Variants in CERT1 observed in about 807,000 individuals in gnomAD.
The protein encoded by CERT1 is ceramide transfer protein.
Under a neutral mutation model 87.9 loss-of-function variants are expected in CERT1, and 31 were observed. The observed-to-expected ratio is 0.35, with a 90% CI of 0.27 to 0.48. CERT1 has a LOEUF of 0.48. CERT1 is among the 20% of genes least tolerant of loss of function. The pLI is 0.99. For synonymous variants in CERT1, 289 were observed against 250.9 expected, an observed-to-expected ratio of 1.15 and a Z score of -1.44; for missense variants, 487 against 758.0, an observed-to-expected ratio of 0.64 and a Z score of 4.20.
intron 14 of CERT1, 78 bp downstream of exon 14, chr5:75,384,564 A>G: frequency 1.0e-6 from 1 of 983,016 alleles, no homozygotes; most frequent in Non-Finnish European, 1.6e-6. Flanking sequence ...TAACCTCCCC[A>G]ATTTTACTTT....
intron 3 of CERT1, among the ~76,000 whole-genome samples, chr5:75,432,774 G>A (rs1368245819): frequency 6.6e-6 from 1 of 152,158 alleles, no homozygotes; most frequent in Non-Finnish European, 1.5e-5. Flanking sequence ...TCTTCACCAA[G>A]GCCTATGCCT....
chr5:75,511,947 T>C, upstream of CERT1: 1 of 873,766 alleles, frequency 1.1e-6, no homozygotes. Context: ...GCTTGTCCCC[T>C]TGGGGCCTTG....
chr5:75,499,785 G>A (rs1208534656), intron 2 of CERT1, among the ~76,000 whole-genome samples: 2 of 152,130 alleles, frequency 1.3e-5, no homozygotes, highest in Non-Finnish European at 2.9e-5. Flanking sequence ...ATTTTCTTAA[G>A]CCCAGTGACG....
intron 2 of CERT1, among the ~76,000 whole-genome samples, chr5:75,494,620 C>T (rs1186935622): frequency 2.0e-5 from 3 of 152,146 alleles, no homozygotes; most frequent in African/African-American, 4.8e-5. Context: ...ACACTCTCCA[C>T]CCCCAACTCT....
In CERT1 at chr5:75,405,199, G is replaced by GC. The variant is rs913759378; in HGVS notation, c.931-2142dup. Among the ~76,000 whole-genome samples, 7 of 151,988 alleles carry GC rather than the reference G, an allele frequency of 4.6e-5. No homozygotes were observed. In the East Asian group the frequency reaches 5.8e-4, roughly 13 times the overall value. ...TACTAAGGGCAGGAGCTACTTATCT[G>GC]CCCCCTTAGAATAGCATTTCTTATG... On this transcript the variant is annotated intron_variant, in intron 8 of 16. Transcript: ENST00000643780.
intron 5 of CERT1, among the ~76,000 whole-genome samples, chr5:75,422,757 T>C (rs1288483054): frequency 4.6e-5 from 7 of 152,188 alleles, no homozygotes; most frequent in Non-Finnish European, 5.9e-5. Context: ...AATATGGCTG[T>C]TATTTGGAGA....
At chr5:75,493,924 C>T (rs1220736496) in intron 2 of CERT1, among the ~76,000 whole-genome samples, 4 of 152,136 alleles carry the variant, frequency 2.6e-5, no homozygotes, top group African/African-American at 9.7e-5. Context: ...TTTCTTTCCT[C>T]ACTGCTACCA....
chr5:75,474,128 A>T (rs867608479), intron 2 of CERT1, among the ~76,000 whole-genome samples: 26 of 152,194 alleles, frequency 1.7e-4, no homozygotes, highest in African/African-American at 6.0e-4. Context: ...TAGATTCCAG[A>T]CATTGTATAG....
At chr5:75,414,850 T>G (rs1481849240) in intron 7 of CERT1, among the ~76,000 whole-genome samples, 1 of 152,154 alleles carries the variant, frequency 6.6e-6, no homozygotes, top group East Asian at 1.9e-4. Flanking sequence ...TGCTCATCAC[T>G]GTTTTCCCAT....
rs200792024 is a variant in CERT1, at chr5:75,490,503, A to T, written c.231+15479T>A. 2.2e-3 allele frequency among the ~76,000 whole-genome samples: 282 copies of T among 127,468 alleles called. 1 individual carries two copies. In the East Asian group the frequency reaches 0.031, roughly 14 times the overall value. The allele number at this position is 127,468 out of a possible 152,430, so 83.6% of individuals were successfully genotyped here. On this transcript the variant is annotated intron_variant, in intron 2 of 16. Transcript: ENST00000643780. The stretch of plus-strand genomic sequence containing the variant: ...CAACACCTGTACGAAATTTTTATTT[A>T]TTTATTTTTTTTTGAGACAGAGTCT...
At chr5:75,419,163 A>G (rs112240310) in intron 6 of CERT1, among the ~76,000 whole-genome samples, 178 bp downstream of exon 6, 1 of 152,236 alleles carries the variant, frequency 6.6e-6, no homozygotes, top group African/African-American at 2.4e-5. Context: ...AAAAGTTACC[A>G]TTATTACATA....
chr5:75,392,419 G>C (rs1762064214), intron 11 of CERT1, among the ~76,000 whole-genome samples: 1 of 152,152 alleles, frequency 6.6e-6, no homozygotes, highest in East Asian at 1.9e-4. Flanking sequence ...CTAAATTACT[G>C]CAATAAACTC....
chr5:75,447,776 CT>C (rs879565966), intron 3 of CERT1, among the ~76,000 whole-genome samples: 134 of 145,424 alleles, frequency 9.2e-4, no homozygotes, highest in East Asian at 1.6e-3. Context: ...ACCCGGCCTC[CT>C]TTTTTTTTTT....
At chr5:75,509,343 T>C (rs1259014417) in intron 1 of CERT1, among the ~76,000 whole-genome samples, 1 of 152,184 alleles carries the variant, frequency 6.6e-6, no homozygotes, top group Admixed American at 6.5e-5. Context: ...ATATACTCAA[T>C]TTAGAATACC....
chr5:75,411,303 T>TTATG (rs58579870), intron 7 of CERT1, among the ~76,000 whole-genome samples, 200 bp from the exon 8 acceptor site: 19,090 of 151,884 alleles, frequency 0.13, 1,290 homozygotes, highest in East Asian at 0.23. Flanking sequence ...AACCTACTAT[T>TTATG]TATGTATGTA....
intron 1 of CERT1, 128 bp from the exon 2 acceptor site, chr5:75,506,244 C>A: frequency 1.4e-6 from 1 of 724,352 alleles, no homozygotes; most frequent in Non-Finnish European, 2.2e-6. Flanking sequence ...TAATTCTAAG[C>A]ATAAACAGTA....
At chr5:75,440,698 C>G (rs1462976281) in intron 3 of CERT1, among the ~76,000 whole-genome samples, 1 of 152,040 alleles carries the variant, frequency 6.6e-6, no homozygotes, top group Non-Finnish European at 1.5e-5. Flanking sequence ...TTACCTAACT[C>G]AGGGCTAAAA....
intron 5 of CERT1, among the ~76,000 whole-genome samples, chr5:75,420,042 T>C (rs1014984056): frequency 6.6e-6 from 1 of 151,498 alleles, no homozygotes; most frequent in Non-Finnish European, 1.5e-5. Context: ...AATGGCATGG[T>C]CTCGGCTCAC....
chr5:75,490,182 G>A (rs1442361118), intron 2 of CERT1, among the ~76,000 whole-genome samples: 2 of 152,038 alleles, frequency 1.3e-5, no homozygotes, highest in Non-Finnish European at 1.5e-5. Context: ...AACATCACAC[G>A]CCGGGGCCTG....
Sources: allele counts gnomAD v4.1 joint callset (sites outside exome capture counted in the v4.1 genomes callset), GRCh38; gene constraint gnomAD v4.1.1; transcripts MANE v1.5; gene names NCBI Gene and HGNC (gene_info 2026-07-23, HGNC 2026-07-21).